CPA6: variants seen among roughly 807,000 people sequenced by gnomAD.
CPA6 encodes the protein carboxypeptidase A6.
CPA6 carries 58 observed loss-of-function variants against 63.3 expected under a neutral mutation model. That is an observed-to-expected ratio of 0.92 (90% CI 0.74 to 1.14). The LOEUF (loss-of-function observed/expected upper bound fraction) is 1.14, where lower values mean the gene tolerates loss of function less well. Ranked by LOEUF, CPA6 falls within the 50% of genes most tolerant of loss-of-function variation. The pLI is 0.00. For synonymous variants in CPA6, 185 were observed against 179.0 expected (o/e 1.03, Z -0.27); for missense variants, 565 against 526.6 (o/e 1.07, Z -0.71).
intron 8 of CPA6, among the ~76,000 whole-genome samples, chr8:67,458,269 T>G (rs888096435): frequency 5.3e-5 from 8 of 152,188 alleles, no homozygotes; most frequent in African/African-American, 1.9e-4. Context: ...CAATCTCGGC[T>G]CACTGCAACC....
chr8:67,696,452 T>C (rs535852023), intron 1 of CPA6, among the ~76,000 whole-genome samples: 13 of 152,194 alleles, frequency 8.5e-5, no homozygotes, highest in Non-Finnish European at 1.2e-4. Flanking sequence ...ATAGCTTCTT[T>C]GGACAGTTTG....
At chr8:67,716,469 C>T (rs1176411704) in intron 1 of CPA6, among the ~76,000 whole-genome samples, 1 of 152,098 alleles carries the variant, frequency 6.6e-6, no homozygotes, top group Non-Finnish European at 1.5e-5. Context: ...AGTCTCTGAT[C>T]AGCTTTTCAC....
chr8:67,506,561 C>T (rs1811930048), intron 6 of CPA6, among the ~76,000 whole-genome samples: 1 of 152,168 alleles, frequency 6.6e-6, no homozygotes, highest in Admixed American at 6.6e-5. Context: ...GGTTCTTTCT[C>T]TGTAATGAGA....
intron 6 of CPA6, among the ~76,000 whole-genome samples, chr8:67,486,496 A>G (rs967715268): frequency 6.6e-6 from 1 of 152,238 alleles, no homozygotes; most frequent in Non-Finnish European, 1.5e-5. Flanking sequence ...TGTTCACACA[A>G]TGATGAAATC....
At chr8:67,430,287 C>T (rs376123397) in intron 9 of CPA6, among the ~76,000 whole-genome samples, 34 of 150,866 alleles carry the variant, frequency 2.3e-4, no homozygotes, top group African/African-American at 8.3e-4. Context: ...TCAAGTCATT[C>T]TCCTGCCTTA....
intron 2 of CPA6, among the ~76,000 whole-genome samples, chr8:67,596,166 C>T (rs1484587092): frequency 6.6e-6 from 1 of 152,092 alleles, no homozygotes; most frequent in Admixed American, 6.5e-5. Flanking sequence ...GAAGTTATAC[C>T]TTCTCCCGAG....
chr8:67,485,100 C>T (rs1346113935), intron 6 of CPA6, among the ~76,000 whole-genome samples: 1 of 152,138 alleles, frequency 6.6e-6, no homozygotes. Context: ...ATTTGTATAA[C>T]CACCTGTTTT....
intron 6 of CPA6, among the ~76,000 whole-genome samples, chr8:67,488,043 G>A (rs1248431755): frequency 6.6e-6 from 1 of 152,146 alleles, no homozygotes; most frequent in African/African-American, 2.4e-5. Context: ...CTGTGCAGAA[G>A]CCCTTTAGTT....
intron 1 of CPA6, among the ~76,000 whole-genome samples, chr8:67,722,559 A>G (rs558095726): frequency 6.6e-6 from 1 of 152,184 alleles, no homozygotes; most frequent in East Asian, 1.9e-4. Context: ...ACTTCTCTCA[A>G]ATGAAAAGAA....
intron 2 of CPA6, among the ~76,000 whole-genome samples, chr8:67,580,434 G>A (rs576741378): frequency 4.8e-4 from 73 of 152,300 alleles, no homozygotes; most frequent in Non-Finnish European, 8.7e-4. Flanking sequence ...GATGCTTCCA[G>A]ACTATTATTC....
chr8:67,555,351 A>G (rs1813035635), intron 2 of CPA6, among the ~76,000 whole-genome samples: 1 of 152,174 alleles, frequency 6.6e-6, no homozygotes, highest in Non-Finnish European at 1.5e-5. Context: ...GATTTAATCA[A>G]TCACGTCTAC....
chr8:67,655,584 A>G (rs1421540793), intron 1 of CPA6, among the ~76,000 whole-genome samples: 3 of 152,190 alleles, frequency 2.0e-5, no homozygotes, highest in Non-Finnish European at 4.4e-5. Flanking sequence ...TTGGTCCTGC[A>G]TTAATCAGTA....
Position 67,652,736 on chromosome 8 carries a change from T to G in CPA6, c.117-28485A>C, listed in dbSNP as rs1459927560. On this transcript the variant is annotated intron_variant, in intron 1 of 10. Transcript: ENST00000297770. ...TTTCTTTTCCTGTGCAGAAGCTCTT[T>G]AGTTTAATTAGATCCCATTTGTCAA... is the stretch of plus-strand genomic sequence containing the variant. Among the ~76,000 whole-genome samples the G allele has an allele frequency of 4.6e-5, 7 of 151,900 alleles. No individual in the cohort carries two copies. In the East Asian group the frequency reaches 1.2e-3, roughly 25 times the overall value.
chr8:67,713,387 C>A (rs1817313429), intron 1 of CPA6, among the ~76,000 whole-genome samples: 1 of 151,734 alleles, frequency 6.6e-6, no homozygotes, highest in African/African-American at 2.4e-5. Context: ...GAGGATGAAG[C>A]CTAAATAGAG....
chr8:67,643,805 G>A (rs747498911), intron 1 of CPA6, among the ~76,000 whole-genome samples: 6 of 152,060 alleles, frequency 3.9e-5, no homozygotes, highest in Non-Finnish European at 5.9e-5. Flanking sequence ...ACCTAGTACC[G>A]GTAGAAAATG....
At chr8:67,686,441 A>C (rs966542921) in intron 1 of CPA6, among the ~76,000 whole-genome samples, 1 of 152,232 alleles carries the variant, frequency 6.6e-6, no homozygotes, top group Non-Finnish European at 1.5e-5. Flanking sequence ...CTTTTATTAC[A>C]TGTACATATA....
intron 1 of CPA6, among the ~76,000 whole-genome samples, chr8:67,667,325 A>G (rs1315787097): frequency 6.6e-6 from 1 of 152,160 alleles, no homozygotes; most frequent in Non-Finnish European, 1.5e-5. Flanking sequence ...AAAGGACCTC[A>G]GAGATCACCA....
At chr8:67,730,450 T>A (rs1300695528) in intron 1 of CPA6, among the ~76,000 whole-genome samples, 1 of 152,198 alleles carries the variant, frequency 6.6e-6, no homozygotes, top group African/African-American at 2.4e-5. Flanking sequence ...CTGAATCCTG[T>A]CCTTTTTGGG....
chr8:67,702,211 A>G (rs552973342), intron 1 of CPA6, among the ~76,000 whole-genome samples: 2 of 152,226 alleles, frequency 1.3e-5, no homozygotes, highest in African/African-American at 4.8e-5. Flanking sequence ...TGTTATCTGT[A>G]CCATGCTAAA....
Sources: gnomAD v4.1 joint callset for allele counts (sites outside exome capture counted in the v4.1 genomes callset) on GRCh38, gnomAD v4.1.1 for gene constraint, MANE v1.5 for transcripts, NCBI Gene and HGNC (gene_info 2026-07-23, HGNC 2026-07-21) for gene names.